Variants in LDB2 observed in about 807,000 individuals in gnomAD.
LDB2 encodes LIM domain-binding protein 2.
A neutral mutation model predicts 44.3 loss-of-function variants in LDB2; 12 were observed. That is an observed-to-expected ratio of 0.27 (90% CI 0.17 to 0.44). The LOEUF (loss-of-function observed/expected upper bound fraction) is 0.44. LDB2 is among the 20% of genes least tolerant of loss of function. The pLI is 1.00. For synonymous variants in LDB2, 164 were observed against 174.8 expected (o/e 0.94, Z 0.49); for missense variants, 344 against 473.5 (o/e 0.73, Z 2.54).
chr4:16,618,010 GA>G (rs1195996013), intron 2 of LDB2, among the ~76,000 whole-genome samples: 1 of 148,982 alleles, frequency 6.7e-6, no homozygotes, highest in African/African-American at 2.6e-5. Flanking sequence ...TTCTTTTTTT[GA>G]GCTCCCAACT....
chr4:16,659,738 G>A (rs1357057109), intron 2 of LDB2, among the ~76,000 whole-genome samples: 3 of 149,278 alleles, frequency 2.0e-5, no homozygotes, highest in Non-Finnish European at 4.4e-5. Context: ...TCTGAGAAAA[G>A]TGAGTGAACA....
At chr4:16,542,925 T>TC (rs1396959548) in intron 5 of LDB2, among the ~76,000 whole-genome samples, 1 of 58,728 alleles carries the variant, frequency 1.7e-5, no homozygotes, top group Non-Finnish European at 3.0e-5. Flanking sequence ...CCCTCCCCCC[T>TC]CCCCCCACCC....
intron 2 of LDB2, among the ~76,000 whole-genome samples, chr4:16,754,924 T>C (rs1360200371): frequency 1.0e-3 from 154 of 152,236 alleles, no homozygotes; most frequent in Non-Finnish European, 1.2e-4. Flanking sequence ...AATGTTTGCA[T>C]TGAACCCCTG....
chr4:16,886,014 G>T (rs1721580002), intron 1 of LDB2, among the ~76,000 whole-genome samples: 1 of 152,120 alleles, frequency 6.6e-6, no homozygotes, highest in Non-Finnish European at 1.5e-5. Flanking sequence ...CCAGGAGTTT[G>T]AGACCAGCCT....
intron 5 of LDB2, among the ~76,000 whole-genome samples, chr4:16,542,224 G>A (rs1256589659): frequency 6.6e-6 from 1 of 151,946 alleles, no homozygotes. Flanking sequence ...TTGGGAAAAG[G>A]CAGTGAGCAA....
At position 16,533,329 on chromosome 4, in the gene LDB2, A is replaced by C. The variant is rs1730746935; in HGVS notation, c.616-21225T>G. ...AAGGATCCCACTTCTAAAGTTAAAA[A>C]ACCATTCATGTCTGCAAAAATGGAA... On this transcript the variant is annotated intron_variant, in intron 5 of 7. Coordinates refer to ENST00000304523, the MANE Select transcript of LDB2 (RefSeq NM_001290.5). The surrounding 1 kb of genome is among the most constrained non-coding windows in gnomAD (Gnocchi z 4.1). 6.6e-6 allele frequency among the ~76,000 whole-genome samples: 1 copy of C among 152,188 alleles called. No individual in the cohort carries two copies. Among genetic ancestry groups the C allele is most frequent in the East Asian group, 1.9e-4 (1 of 5,188 alleles).
intron 2 of LDB2, chr4:16,752,368 G>C (rs139592771): frequency 2.2e-6 from 1 of 448,116 alleles, no homozygotes; most frequent in African/African-American, 2.0e-5. Flanking sequence ...GGACAGATGT[G>C]GTAATTGTAA....
chr4:16,664,914 C>G (rs1742619746), intron 2 of LDB2, among the ~76,000 whole-genome samples: 1 of 152,202 alleles, frequency 6.6e-6, no homozygotes, highest in Non-Finnish European at 1.5e-5. Flanking sequence ...ACACAGGAAC[C>G]TCCAAAGCTC....
rs541615999 is a variant in LDB2, at chr4:16,801,746, A to G, written c.133-42486T>C. On this transcript the variant is annotated intron_variant, in intron 1 of 7. Transcript: ENST00000304523. ...TTCAGTGTTTTATAGTCTTTCCAAA[A>G]ATAATAGACAATCTTTATTTAAAAG... Among the ~76,000 whole-genome samples, 425 of 152,352 alleles carry G rather than the reference A, an allele frequency of 2.8e-3. 2 individuals are homozygous for G. Among genetic ancestry groups the G allele is most frequent in the Non-Finnish European group, 5.0e-3 (338 of 68,034 alleles).
intron 1 of LDB2, among the ~76,000 whole-genome samples, chr4:16,836,476 A>G (rs1784900168): frequency 6.6e-6 from 1 of 152,210 alleles, no homozygotes; most frequent in African/African-American, 2.4e-5. Flanking sequence ...CTAGATGCCC[A>G]GATGTCAAAG....
chr4:16,698,520 G>T (rs1489666990), intron 2 of LDB2, among the ~76,000 whole-genome samples: 1 of 152,086 alleles, frequency 6.6e-6, no homozygotes, highest in East Asian at 1.9e-4. Flanking sequence ...TATGAATGAG[G>T]TTGAGCATCT....
intron 1 of LDB2, among the ~76,000 whole-genome samples, chr4:16,763,043 C>G (rs1768278744): frequency 1.3e-5 from 2 of 150,748 alleles, no homozygotes; most frequent in African/African-American, 4.9e-5. Context: ...CAGAAGAGGT[C>G]TGCTGGGAGA....
intron 1 of LDB2, among the ~76,000 whole-genome samples, chr4:16,897,929 T>TACAC (rs1725690034): frequency 2.0e-4 from 3 of 15,318 alleles, no homozygotes; most frequent in Admixed American, 1.2e-3. Flanking sequence ...TATATATATA[T>TACAC]ATATATATAC....
At chr4:16,627,995 T>C (rs890483723) in intron 2 of LDB2, among the ~76,000 whole-genome samples, 1 of 152,166 alleles carries the variant, frequency 6.6e-6, no homozygotes, top group African/African-American at 2.4e-5. Context: ...CTTTTCACCA[T>C]GCCTGCACGG....
rs186072459 is a variant in LDB2 at position 16,725,333 on chromosome 4, A to G, written c.235+33825T>C. On this transcript the variant is annotated intron_variant, in intron 2 of 7. Coordinates refer to ENST00000304523, the MANE Select transcript of LDB2 (RefSeq NM_001290.5). ...AGAGAGAGAGATTGAATATGCCAAT[A>G]GACAATGGCCAGACCATACATAAAA... Among the ~76,000 whole-genome samples the G allele has an allele frequency of 3.9e-4, 60 of 152,188 alleles. No homozygotes were observed. In the East Asian group the frequency reaches 8.1e-3, roughly 21 times the overall value.
At position 16,529,287 on chromosome 4, in the gene LDB2, A is replaced by G. The variant is rs532300072; in HGVS notation, c.616-17183T>C. On this transcript the variant is annotated intron_variant, in intron 5 of 7. Coordinates refer to ENST00000304523, the MANE Select transcript of LDB2 (RefSeq NM_001290.5). ...TGCCCATGCTTGGGAATGTATCTCT[A>G]TCATCCTGTGGTATAATGAGCTGAA... 3.9e-5 allele frequency among the ~76,000 whole-genome samples: 6 copies of G among 152,226 alleles called. No homozygotes were observed. In the East Asian group the frequency reaches 1.2e-3, roughly 29 times the overall value.
intron 5 of LDB2, among the ~76,000 whole-genome samples, chr4:16,549,264 A>G (rs2152344005): frequency 6.6e-6 from 1 of 152,320 alleles, no homozygotes; most frequent in Admixed American, 6.5e-5. Flanking sequence ...GTTGACAGAG[A>G]AAACCAAGTG....
At chr4:16,856,751 T>C (rs570556546) in intron 1 of LDB2, among the ~76,000 whole-genome samples, 1 of 152,160 alleles carries the variant, frequency 6.6e-6, no homozygotes, top group Non-Finnish European at 1.5e-5. Context: ...ACCAATTTAA[T>C]CCTCACAACA....
intron 1 of LDB2, among the ~76,000 whole-genome samples, chr4:16,835,846 G>A (rs894967656): frequency 5.9e-5 from 9 of 152,152 alleles, no homozygotes; most frequent in South Asian, 2.1e-4. Flanking sequence ...TCATTTTTCC[G>A]AGGTGGGAAC....
Sources: gnomAD v4.1 joint callset for allele counts (sites outside exome capture counted in the v4.1 genomes callset) on GRCh38, gnomAD v4.1.1 for gene constraint, Gnocchi (gnomAD v3.1) non-coding constraint, MANE v1.5 for transcripts, NCBI Gene and HGNC (gene_info 2026-07-23, HGNC 2026-07-21) for gene names.